UGT1A10: variants seen among roughly 807,000 people sequenced by gnomAD.
UGT1A10 encodes the protein UDP glucuronosyltransferase family 1 member A10.
A neutral mutation model predicts 45.8 loss-of-function variants in UGT1A10; 49 were observed. That is an observed-to-expected ratio of 1.07 (90% CI 0.85 to 1.36). UGT1A10 has a LOEUF of 1.36. Among genes scored for constraint, UGT1A10 ranks in the 40% most tolerant of loss-of-function variants. UGT1A10 has a pLI of 0.00. For synonymous variants in UGT1A10, 284 were observed against 249.7 expected (o/e 1.14, Z -1.29); for missense variants, 745 against 668.6 (o/e 1.11, Z -1.26).
At chr2:233,693,366 T>A (rs141940106) in intron 1 of UGT1A10, 160 of 1,614,102 alleles carry the variant, frequency 9.9e-5, no homozygotes, top group Non-Finnish European at 1.3e-4. Flanking sequence ...GTTATTGGCC[T>A]GTACTTCATC....
intron 1 of UGT1A10, among the ~76,000 whole-genome samples, chr2:233,640,962 G>A (rs1200721574): frequency 6.6e-6 from 1 of 152,146 alleles, no homozygotes; most frequent in African/African-American, 2.4e-5. Context: ...TCATGGTCTA[G>A]GACACATAGC....
chr2:233,723,296 G>A (rs2077075568), intron 1 of UGT1A10, among the ~76,000 whole-genome samples: 1 of 113,420 alleles, frequency 8.8e-6, no homozygotes. Flanking sequence ...TGCAACCTCT[G>A]CCTCCCAGGT....
chr2:233,708,093 A>G (rs1032975136), intron 1 of UGT1A10, among the ~76,000 whole-genome samples: 2 of 152,222 alleles, frequency 1.3e-5, no homozygotes, highest in African/African-American at 4.8e-5. Context: ...ATTCAAACGA[A>G]TTAGAATAAA....
chr2:233,650,241 A>G (rs1324622518), intron 1 of UGT1A10, among the ~76,000 whole-genome samples: 1 of 152,194 alleles, frequency 6.6e-6, no homozygotes, highest in Admixed American at 6.5e-5. Flanking sequence ...AAGTGCTGGG[A>G]TTACAGGTGT....
At chr2:233,639,643 G>T (rs1173613326) in intron 1 of UGT1A10, among the ~76,000 whole-genome samples, 1 of 152,194 alleles carries the variant, frequency 6.6e-6, no homozygotes, top group East Asian at 1.9e-4. Flanking sequence ...CAGTGTCCCA[G>T]ACCCTGCACA....
chr2:233,768,990 A>C (rs1198274565), intron 4 of UGT1A10, among the ~76,000 whole-genome samples: 1 of 152,146 alleles, frequency 6.6e-6, no homozygotes, highest in Admixed American at 6.5e-5. Context: ...TATTTCCCCC[A>C]TTAGATTTAA....
At chr2:233,713,410 AC>A in intron 1 of UGT1A10, 1 of 1,614,174 alleles carries the variant, frequency 6.2e-7, no homozygotes, top group Non-Finnish European at 8.5e-7. Context: ...CTGATCAGGC[AC>A]CTGCATGCTA....
intron 1 of UGT1A10, among the ~76,000 whole-genome samples, chr2:233,638,376 C>T (rs925133879): frequency 2.0e-5 from 3 of 152,034 alleles, no homozygotes; most frequent in African/African-American, 4.8e-5. Context: ...TATCTTGTAT[C>T]CAGCCACATC....
At chr2:233,720,981 G>A (rs746699495) in intron 1 of UGT1A10, among the ~76,000 whole-genome samples, 2 of 151,748 alleles carry the variant, frequency 1.3e-5, no homozygotes, top group Non-Finnish European at 2.9e-5. Flanking sequence ...AAAGTGCTGG[G>A]ATTACAGGCA....
intron 1 of UGT1A10, among the ~76,000 whole-genome samples, chr2:233,666,528 A>G (rs2074078187): frequency 6.6e-6 from 1 of 152,184 alleles, no homozygotes; most frequent in African/African-American, 2.4e-5. Flanking sequence ...GCTCATTAAA[A>G]AACATTTTTT....
chr2:233,750,271 C>T (rs1694411042), intron 1 of UGT1A10, among the ~76,000 whole-genome samples: 1 of 151,886 alleles, frequency 6.6e-6, no homozygotes, highest in South Asian at 2.1e-4. Flanking sequence ...TATGCTTTAG[C>T]AAAGAGACTG....
chr2:233,751,629 C>A (rs1156397424), intron 1 of UGT1A10, among the ~76,000 whole-genome samples: 1 of 152,162 alleles, frequency 6.6e-6, no homozygotes, highest in African/African-American at 2.4e-5. Context: ...ATCATGTGTG[C>A]AGTTTCCCCC....
chr2:233,682,812 G>A lies in UGT1A10; in HGVS notation c.855+45435G>A, dbSNP rs1274355899. On this transcript the variant is annotated intron_variant, in intron 1 of 4. Coordinates refer to ENST00000344644, the MANE Select transcript of UGT1A10 (RefSeq NM_019075.4). ...CCTATGGTAAGTTATCTCCCCTTTA[G>A]CACATTAAGAATAATCTGGCTTTGG... The A allele has an allele frequency of 3.8e-6, 6 of 1,593,294 alleles. No homozygotes were observed. In the Admixed American group the frequency reaches 8.7e-5, roughly 23 times the overall value.
At chr2:233,729,900 A>G in intron 1 of UGT1A10, 1 of 1,613,884 alleles carries the variant, frequency 6.2e-7, no homozygotes, top group Non-Finnish European at 8.5e-7. Flanking sequence ...GGCTGTTCCG[A>G]GGGGACTTTG....
chr2:233,743,205 G>A (rs1013981609), intron 1 of UGT1A10: 19 of 391,306 alleles, frequency 4.9e-5, no homozygotes, highest in South Asian at 9.4e-5. Flanking sequence ...GTGTCAATGC[G>A]GAGTAACTGC....
chr2:233,767,989 T>C lies in UGT1A10; in HGVS notation c.1075+53T>C, dbSNP rs1699539176. The C allele has an allele frequency of 3.1e-6, 5 of 1,614,076 alleles. No homozygotes were observed. In the Admixed American group the frequency reaches 5.0e-5, roughly 16 times the overall value. Reference sequence around the variant, plus strand: ...TCAAACCAGGGTCAAATTAAGAAAATGGCTTAAGCACAGCTATTCTAAAGG... The same window carrying C: ...TCAAACCAGGGTCAAATTAAGAAAACGGCTTAAGCACAGCTATTCTAAAGG... On this transcript the variant is annotated intron_variant, in intron 3 of 4. Coordinates refer to ENST00000344644, the MANE Select transcript of UGT1A10 (RefSeq NM_019075.4).
intron 1 of UGT1A10, chr2:233,693,273 G>T: frequency 6.2e-7 from 1 of 1,614,074 alleles, no homozygotes; most frequent in Non-Finnish European, 8.5e-7. Context: ...CTGAAGAACC[G>T]TTACCAATCA....
intron 1 of UGT1A10, among the ~76,000 whole-genome samples, chr2:233,745,639 G>A (rs182919627): frequency 4.6e-5 from 7 of 151,616 alleles, no homozygotes; most frequent in African/African-American, 1.7e-4. Flanking sequence ...AAAGCTGGCC[G>A]AGGGTAGAGT....
chr2:233,691,507 C>A, intron 1 of UGT1A10: 1 of 985,720 alleles, frequency 1.0e-6, no homozygotes, highest in Non-Finnish European at 1.2e-6. Context: ...AACTCGCGTG[C>A]CAGCCAGGTG....
Sources: allele counts gnomAD v4.1 joint callset (sites outside exome capture counted in the v4.1 genomes callset), GRCh38; gene constraint gnomAD v4.1.1; transcripts MANE v1.5; gene names NCBI Gene and HGNC (gene_info 2026-07-23, HGNC 2026-07-21).